The following TPR variants were observed in gnomAD, a reference collection of about 807,000 sequenced individuals.
TPR encodes nucleoprotein TPR.
A neutral mutation model predicts 316.1 loss-of-function variants in TPR; 51 were observed. The ratio of observed to expected loss-of-function variants is 0.16; its 90% CI spans 0.13 to 0.20. The LOEUF (loss-of-function observed/expected upper bound fraction) is 0.20. TPR is among the 10% of genes least tolerant of loss of function. The pLI, the probability that TPR is intolerant of heterozygous loss-of-function variation, is 1.00. For synonymous variants in TPR, 981 were observed against 914.7 expected (o/e 1.07, Z -1.31); for missense variants, 2,272 against 2,754.8 (o/e 0.82, Z 3.92).
chr1:186,325,842 T>C lies in TPR; in HGVS notation c.6034A>G (p.Thr2012Ala), dbSNP rs1657911490. 6.2e-7 allele frequency: 1 copy of C among 1,613,424 alleles called. No individual in the cohort carries two copies. Among genetic ancestry groups the C allele is most frequent in the Non-Finnish European group, 8.5e-7 (1 of 1,179,712 alleles). The change falls in exon 42 of 51, where the codon ACT (threonine) becomes GCT (alanine). Residue 2012 changes from threonine (T) to alanine (A), a missense_variant. Thr to Ala is a moderately conservative substitution (Grantham distance 58). Transcript: ENST00000367478. ...EADDAEGGDGTDPGTETEESM... is the reference protein window; with the variant it reads ...EADDAEGGDGADPGTETEESM... The stretch of plus-strand genomic sequence containing the variant: ...TCTTCTGTTTCTGTACCTGGATCAG[T>C]CCCATCACCACCCTAAAAACAAAAC...
chr1:186,332,110 G>C, intron 38 of TPR, 85 bp downstream of exon 38: 1 of 1,442,126 alleles, frequency 6.9e-7, no homozygotes, highest in Non-Finnish European at 9.2e-7. Context: ...GGCCCCAAAA[G>C]GTTAATTTTC....
At chr1:186,317,368 A>C in intron 49 of TPR, 114 bp downstream of exon 49, 1 of 820,802 alleles carries the variant, frequency 1.2e-6, no homozygotes, top group East Asian at 2.6e-5. Flanking sequence ...CTTTTAAATA[A>C]AGCATTTTAA....
At chr1:186,368,965 A>G (rs752497853) in intron 3 of TPR, among the ~76,000 whole-genome samples, 4 of 152,140 alleles carry the variant, frequency 2.6e-5, no homozygotes, top group Non-Finnish European at 5.9e-5. Flanking sequence ...TCATTTCTTC[A>G]AATGTGGAAA....
chr1:186,334,894 G>A (rs1658292032), intron 35 of TPR, among the ~76,000 whole-genome samples, 174 bp downstream of exon 35: 1 of 151,840 alleles, frequency 6.6e-6, no homozygotes, highest in Non-Finnish European at 1.5e-5. Context: ...AGGACTGAAA[G>A]TATGGTGAAA....
At chr1:186,318,197 C>T (rs1275846782) in intron 48 of TPR, among the ~76,000 whole-genome samples, 1 of 151,906 alleles carries the variant, frequency 6.6e-6, no homozygotes, top group Non-Finnish European at 1.5e-5. Flanking sequence ...GGCATGGTGG[C>T]GGGTGCCTGT....
intron 4 of TPR, 101 bp from the exon 5 acceptor site, chr1:186,363,546 T>C (rs1659253782): frequency 9.5e-6 from 7 of 734,654 alleles, no homozygotes; most frequent in Non-Finnish European, 1.6e-5. Flanking sequence ...TAATACAAAG[T>C]ATGCACAGCT....
intron 24 of TPR, 75 bp downstream of exon 24, chr1:186,345,505 T>C (rs773757525): frequency 1.6e-4 from 195 of 1,191,660 alleles, no homozygotes; most frequent in Admixed American, 2.6e-4. Flanking sequence ...CCACCAGTTC[T>C]TATAATGCAT....
rs1659592739 is a variant in TPR, at chr1:186,373,421, T to C, written c.194A>G (p.Gln65Arg). Residue 65 changes from glutamine to arginine, a missense_variant, in exon 2 of 51, where the codon CAG (glutamine) becomes CGG (arginine). Coordinates refer to ENST00000367478, the MANE Select transcript of TPR (RefSeq NM_003292.3). ...TCGGGTTTCATTCACAAGTCTCTCC[T>C]GACTGTGGGACAACCTCTTTTCTAT... ...FEIEKRLSHSQERLVNETREC... is the reference protein window; with the variant it reads ...FEIEKRLSHSRERLVNETREC... The C allele has an allele frequency of 6.2e-7, 1 of 1,613,580 alleles. No homozygotes were observed. Among genetic ancestry groups the C allele is most frequent in the South Asian group, 1.1e-5 (1 of 91,036 alleles).
intron 37 of TPR, among the ~76,000 whole-genome samples, chr1:186,332,685 A>G (rs1222416267): frequency 6.6e-6 from 1 of 152,136 alleles, no homozygotes; most frequent in African/African-American, 2.4e-5. Context: ...CCTTCTATAA[A>G]ACTCAGGACT....
chr1:186,370,555 CA>C (rs1459401449), intron 3 of TPR, among the ~76,000 whole-genome samples: 1 of 151,674 alleles, frequency 6.6e-6, no homozygotes. Context: ...AAAGCAATGG[CA>C]AAAGTATAAA....
rs370456788 is a variant in TPR, at chr1:186,346,119, C to T, written c.3096+16G>A. ...TTACAAGTTAAAAAAAAAATTAATA[C>T]GGTTAACCTATTTACCTGTTGTTCC... On this transcript the variant is annotated intron_variant, in intron 23 of 50. Transcript: ENST00000367478. 7.5e-5 allele frequency: 118 copies of T among 1,575,048 alleles called. No homozygotes were observed. The highest frequency in any genetic ancestry group is 1.3e-4 in the Admixed American group (7 of 52,066).
At chr1:186,351,234 A>G (rs2101975001) in intron 20 of TPR, 96 bp downstream of exon 20, 1 of 1,385,124 alleles carries the variant, frequency 7.2e-7, no homozygotes, top group Non-Finnish European at 9.5e-7. Context: ...AAGTTTTTCA[A>G]AATCATGCTT....
chr1:186,356,716 G>C (rs1169013809), intron 14 of TPR, among the ~76,000 whole-genome samples: 1 of 152,052 alleles, frequency 6.6e-6, no homozygotes, highest in Non-Finnish European at 1.5e-5. Flanking sequence ...TAGTCTTCTT[G>C]CTTTCTTAGC....
At chr1:186,322,212 G>C in intron 45 of TPR, 106 bp downstream of exon 45, 1 of 1,077,006 alleles carries the variant, frequency 9.3e-7, no homozygotes, top group South Asian at 1.5e-5. Context: ...GTACATAGTA[G>C]AGAGGGACTC....
Position 186,331,507 on chromosome 1 carries a change from G to T in TPR, c.5679C>A (p.Ser1893=). 1 of 1,606,208 alleles carries T rather than the reference G, an allele frequency of 6.2e-7. No individual in the cohort carries two copies. Among genetic ancestry groups the T allele is most frequent in the Non-Finnish European group, 8.5e-7 (1 of 1,176,086 alleles). The stretch of plus-strand genomic sequence containing the variant: ...GTATGTTTTTACTTACTTCTCCAAT[G>T]GAATCTTGAGAATCCTGGTTGTATA... ...TQVYNQDSQD[S]IGEGVTQGDY... Residue 1893 remains serine (S), a synonymous_variant, in exon 39 of 51, where the codon TCC becomes TCA. Transcript: ENST00000367478.
chr1:186,351,856 T>C, intron 19 of TPR, 120 bp downstream of exon 19: 1 of 1,146,204 alleles, frequency 8.7e-7, no homozygotes, highest in Non-Finnish European at 1.2e-6. Context: ...CAAAATTCAA[T>C]GATCATAATG....
intron 26 of TPR, 152 bp downstream of exon 26, chr1:186,343,754 G>T: frequency 1.2e-6 from 1 of 864,892 alleles, no homozygotes; most frequent in Non-Finnish European, 1.7e-6. Context: ...TGTTTAATAT[G>T]TGTAAATGTT....
intron 4 of TPR, among the ~76,000 whole-genome samples, chr1:186,365,026 A>AC (rs1209294439): frequency 6.7e-6 from 1 of 150,250 alleles, no homozygotes; most frequent in African/African-American, 2.5e-5. Flanking sequence ...ACAATGACAG[A>AC]CCCCCTTCTC....
intron 2 of TPR, among the ~76,000 whole-genome samples, chr1:186,371,570 G>A (rs1235787264): frequency 6.6e-6 from 1 of 151,904 alleles, no homozygotes; most frequent in Admixed American, 6.6e-5. Context: ...CACTCAAAAT[G>A]GGCTCTTTTC....
Sources: allele counts gnomAD v4.1 joint callset (sites outside exome capture counted in the v4.1 genomes callset), GRCh38; gene constraint gnomAD v4.1.1; transcripts MANE v1.5; gene names NCBI Gene and HGNC (gene_info 2026-07-23, HGNC 2026-07-21).